CCNB3: variants seen among roughly 807,000 people sequenced by gnomAD.
The protein encoded by CCNB3 is cyclin B3.
In CCNB3, 12 loss-of-function variants were observed where a neutral mutation model predicts 68.0. The ratio of observed to expected loss-of-function variants is 0.18; its 90% CI spans 0.11 to 0.29. The LOEUF (loss-of-function observed/expected upper bound fraction) is 0.29. Among genes scored for constraint, CCNB3 ranks in the 10% least tolerant of loss-of-function variants. The pLI, the probability that CCNB3 is intolerant of heterozygous loss-of-function variation, is 1.00. For synonymous variants in CCNB3, 354 were observed against 388.9 expected (o/e 0.91, Z 1.06); for missense variants, 904 against 993.1 (o/e 0.91, Z 1.21).
rs1602224223 is a variant in CCNB3 at position 50,309,898 on chromosome X, G to A, written c.1729G>A (p.Glu577Lys). ...PMSFRKNPTT[E>K]ETVLTKTSLS... is the part of the protein sequence containing the mutation. ...GTCATTTAGGAAGAACCCTACAACT[G>A]AGGAGACAGTACTTACCAAGACATC... is the stretch of plus-strand genomic sequence containing the variant. The change falls in exon 6 of 13, where the codon GAG becomes AAG. Residue 577 changes from glutamate (E) to lysine (K), a missense_variant. Transcript: ENST00000376042. 8.3e-7 allele frequency: 1 copy of A among 1,210,560 alleles called. No homozygotes were observed.
chrX:50,283,125 C>T (rs1936170867), intron 1 of CCNB3, among the ~76,000 whole-genome samples: 1 of 111,590 alleles, frequency 9.0e-6, no homozygotes, highest in South Asian at 3.8e-4. Context: ...CCACACAAGT[C>T]CTCTGCAAGT....
chrX:50,226,231 ATATT>A (rs1245786344), intron 1 of CCNB3, among the ~76,000 whole-genome samples: 7 of 68,840 alleles, frequency 1.0e-4, no homozygotes, highest in Admixed American at 2.5e-4. Context: ...TAGAATATAT[ATATT>A]TATATATATA....
chrX:50,227,210 A>AATATATACAGAATATATATATGAATAT (rs2146998874), intron 1 of CCNB3, among the ~76,000 whole-genome samples: 1 of 82,296 alleles, frequency 1.2e-5, no homozygotes, highest in East Asian at 3.6e-4. Flanking sequence ...AATATATATA[A>AATATATACAGAATATATATATGAATAT]ATATATACAG....
At position 50,290,725 on chromosome X, in the gene CCNB3, G is replaced by A. The variant is rs142538056; in HGVS notation, c.204+1838G>A. Among the ~76,000 whole-genome samples the A allele has an allele frequency of 9.9e-3, 1,102 of 111,330 alleles. 12 individuals are homozygous for A. The highest frequency in any genetic ancestry group is 0.034 in the African/African-American group (1,055 of 30,655). ...CTCCAGCTGAATTGAGCATCTGTTT[G>A]GCCATATCCCCATGGGGTTAGGGGG... On this transcript the variant is annotated intron_variant, in intron 4 of 12. Transcript: ENST00000376042.
chrX:50,279,827 A>G (rs1188994888), intron 1 of CCNB3, among the ~76,000 whole-genome samples: 2 of 88,333 alleles, frequency 2.3e-5, no homozygotes, highest in Non-Finnish European at 4.2e-5. Context: ...GTATTTATAT[A>G]AATACATATA....
intron 1 of CCNB3, among the ~76,000 whole-genome samples, chrX:50,226,731 T>C (rs1487284783): frequency 3.8e-5 from 3 of 79,897 alleles, no homozygotes; most frequent in Admixed American, 1.9e-4. Context: ...AATATACATA[T>C]GAATATGTAC....
At chrX:50,346,525 A>T in intron 9 of CCNB3, 127 bp from the exon 10 acceptor site, 1 of 671,850 alleles carries the variant, frequency 1.5e-6, no homozygotes, top group South Asian at 3.2e-5. Context: ...CCAGAAGCTG[A>T]GTCTCAGAGA....
At chrX:50,220,036 G>T (rs941985597) in intron 1 of CCNB3, among the ~76,000 whole-genome samples, 82 of 111,507 alleles carry the variant, frequency 7.4e-4, no homozygotes, top group African/African-American at 2.6e-3. Context: ...TGTAGCAATT[G>T]TGAATGGGAG....
Position 50,331,053 on chromosome X carries a change from G to A in CCNB3, c.3517-11149G>A, listed in dbSNP as rs192493793. On this transcript the variant is annotated intron_variant, in intron 8 of 12. Coordinates refer to ENST00000376042, the MANE Select transcript of CCNB3 (RefSeq NM_033031.3). ...TCCCCACAAGTCATCTTGTGCCCAC[G>A]TAGCAGGCCCATAATATTGTATGAT... 2.3e-3 allele frequency among the ~76,000 whole-genome samples: 259 copies of A among 111,665 alleles called. 1 individual carries two copies. Among genetic ancestry groups the A allele is most frequent in the African/African-American group, 8.0e-3 (246 of 30,746 alleles).
chrX:50,285,460 C>G (rs1936218134), intron 3 of CCNB3, among the ~76,000 whole-genome samples: 1 of 110,859 alleles, frequency 9.0e-6, no homozygotes, highest in Admixed American at 9.6e-5. Flanking sequence ...CCCATAAATG[C>G]AGGGCTCAAA....
rs201444246 is a variant in CCNB3 at position 50,288,807 on chromosome X, T to C, written c.124T>C (p.Ser42Pro). 17 of 1,205,309 alleles carry C rather than the reference T, an allele frequency of 1.4e-5. No individual in the cohort carries two copies. In the East Asian group the frequency reaches 4.8e-4, roughly 34 times the overall value. ...GGGGGAGAATTGCCAAACGAAGATA[T>C]CTCCATCTTCACTTCAGGAGTCTCC... is the stretch of plus-strand genomic sequence containing the variant. ...KTGENCQTKI[S>P]PSSLQESPSS... Residue 42 changes from serine to proline, a missense_variant, in exon 4 of 13, where the codon TCT becomes CCT. Coordinates refer to ENST00000376042, the MANE Select transcript of CCNB3 (RefSeq NM_033031.3).
At chrX:50,294,458 A>C (rs1936409022) in intron 4 of CCNB3, among the ~76,000 whole-genome samples, 1 of 111,500 alleles carries the variant, frequency 9.0e-6, no homozygotes, top group Non-Finnish European at 1.9e-5. Context: ...AGGCACACCC[A>C]GACAGCAAAG....
chrX:50,341,247 G>A (rs1449950820), intron 8 of CCNB3, among the ~76,000 whole-genome samples: 2 of 108,916 alleles, frequency 1.8e-5, no homozygotes, highest in African/African-American at 3.3e-5. Context: ...GGAGAATGGC[G>A]TGAACCCGGG....
chrX:50,343,701 G>T (rs1174995357), intron 9 of CCNB3, among the ~76,000 whole-genome samples: 1 of 111,581 alleles, frequency 9.0e-6, no homozygotes, highest in Non-Finnish European at 1.9e-5. Context: ...ACAAGACCCT[G>T]TCTCAAAAGA....
chrX:50,297,190 A>G (rs1408526730), intron 5 of CCNB3, among the ~76,000 whole-genome samples: 9 of 111,941 alleles, frequency 8.0e-5, no homozygotes, highest in Non-Finnish European at 1.9e-5. Context: ...TGTTTTAGAC[A>G]TGAAATCCTT....
Position 50,312,533 on chromosome X carries a change from G to A in CCNB3, c.3328-4G>A. The A allele has an allele frequency of 4.2e-6, 5 of 1,193,115 alleles. No individual in the cohort carries two copies. The highest frequency in any genetic ancestry group is 5.7e-6 in the Non-Finnish European group (5 of 879,789). On this transcript the variant is annotated splice_region_variant and splice_polypyrimidine_tract_variant and intron_variant, in intron 6 of 12. Coordinates refer to ENST00000376042, the MANE Select transcript of CCNB3 (RefSeq NM_033031.3). Reference sequence around the variant, plus strand: ...AATATGTCTTTTTGGTGATTTCTAAGCAGATAACCCCACGGGAAGATATTG... The same window carrying A: ...AATATGTCTTTTTGGTGATTTCTAAACAGATAACCCCACGGGAAGATATTG...
intron 7 of CCNB3, among the ~76,000 whole-genome samples, 187 bp from the exon 8 acceptor site, chrX:50,313,669 A>C (rs1471316964): frequency 8.9e-6 from 1 of 111,877 alleles, no homozygotes; most frequent in Non-Finnish European, 1.9e-5. Context: ...CTGACACTTG[A>C]ATATCACGTG....
chrX:50,228,436 G>A (rs1935968404), intron 1 of CCNB3, among the ~76,000 whole-genome samples: 3 of 89,071 alleles, frequency 3.4e-5, no homozygotes, highest in Non-Finnish European at 4.3e-5. Context: ...ATATATAGAG[G>A]ATATAGCTAT....
intron 1 of CCNB3, among the ~76,000 whole-genome samples, chrX:50,227,879 A>ATG (rs1935931904): frequency 5.9e-5 from 5 of 85,467 alleles, no homozygotes; most frequent in African/African-American, 2.2e-4. Flanking sequence ...ATAAATATAT[A>ATG]GAGAGAAAAT....
Sources: gnomAD v4.1 joint callset for allele counts (sites outside exome capture counted in the v4.1 genomes callset) on GRCh38, gnomAD v4.1.1 for gene constraint, MANE v1.5 for transcripts, NCBI Gene and HGNC (gene_info 2026-07-23, HGNC 2026-07-21) for gene names.